The following STXBP5L variants were observed in gnomAD, a reference collection of about 807,000 sequenced individuals.
STXBP5L encodes the protein syntaxin binding protein 5L, also known as syntaxin-binding protein 5-like.
In STXBP5L, 65 loss-of-function variants were observed where a neutral mutation model predicts 144.5. The ratio of observed to expected loss-of-function variants is 0.45; its 90% CI spans 0.37 to 0.55. The LOEUF is 0.55. Ranked by LOEUF, STXBP5L falls within the 20% of genes least tolerant of loss-of-function variation. The pLI is 0.00. For missense variants in STXBP5L, 1,298 were observed against 1,405.5 expected (o/e 0.92, Z 1.22); for synonymous variants, 505 against 469.6 (o/e 1.08, Z -0.97).
chr3:121,084,988 G>A lies in STXBP5L; in HGVS notation c.471-29937G>A, dbSNP rs116632902. ...CAATGATGTTGACTTTTTTTTTCAT[G>A]TGTTTGTCAACCGCATGTATGTCTT... is the stretch of plus-strand genomic sequence containing the variant. On this transcript the variant is annotated intron_variant, in intron 5 of 26. Coordinates refer to ENST00000471454, the MANE Select transcript of STXBP5L (RefSeq NM_001308330.2). Among the ~76,000 whole-genome samples the A allele has an allele frequency of 6.4e-3, 962 of 150,536 alleles. 13 individuals are homozygous for A. Among genetic ancestry groups the A allele is most frequent in the African/African-American group, 0.021 (867 of 40,854 alleles).
intron 20 of STXBP5L, among the ~76,000 whole-genome samples, chr3:121,338,583 C>A (rs1472213923): frequency 3.6e-5 from 3 of 82,476 alleles, no homozygotes; most frequent in East Asian, 4.5e-4. Context: ...GCAGAGGTTG[C>A]ATTTCTGTCA....
chr3:120,912,879 T>C (rs1708917746), intron 2 of STXBP5L, among the ~76,000 whole-genome samples: 1 of 151,960 alleles, frequency 6.6e-6, no homozygotes, highest in African/African-American at 2.4e-5. Flanking sequence ...CTAAGTATAC[T>C]GCATTCCCTA....
chr3:121,092,060 G>A (rs140846907), intron 5 of STXBP5L, among the ~76,000 whole-genome samples: 24 of 152,038 alleles, frequency 1.6e-4, no homozygotes, highest in East Asian at 1.2e-3. Flanking sequence ...TGTTTTTCTC[G>A]GGTTTGTCAA....
At chr3:121,125,197 A>T (rs930315662) in intron 7 of STXBP5L, among the ~76,000 whole-genome samples, 1 of 152,080 alleles carries the variant, frequency 6.6e-6, no homozygotes, top group Non-Finnish European at 1.5e-5. Flanking sequence ...GGTTGGGCGC[A>T]GTGGCTCACA....
intron 9 of STXBP5L, among the ~76,000 whole-genome samples, chr3:121,190,271 G>A (rs1039528497): frequency 2.6e-5 from 4 of 152,154 alleles, no homozygotes; most frequent in Admixed American, 2.0e-4. Context: ...TAGCGAGCAC[G>A]CTGCCTTCAA....
chr3:121,188,227 A>G (rs150858378), intron 9 of STXBP5L, among the ~76,000 whole-genome samples: 1 of 152,302 alleles, frequency 6.6e-6, no homozygotes, highest in East Asian at 1.9e-4. Context: ...AATCAATAGA[A>G]TATACATTCT....
Position 120,996,670 on chromosome 3 carries a change from A to G in STXBP5L, c.287+41633A>G, listed in dbSNP as rs541676934. 6.7e-4 allele frequency among the ~76,000 whole-genome samples: 102 copies of G among 152,172 alleles called. 2 individuals carry two copies. In the South Asian group the frequency reaches 0.021, roughly 31 times the overall value. On this transcript the variant is annotated intron_variant, in intron 3 of 26. Transcript: ENST00000471454. ...ATTTTACCCTGCTCCTATGAATTCA[A>G]CTTTTTTAGATTTCACATATATGTG...
At chr3:121,068,441 A>G (rs1302103029) in intron 5 of STXBP5L, among the ~76,000 whole-genome samples, 3 of 151,894 alleles carry the variant, frequency 2.0e-5, no homozygotes, top group Non-Finnish European at 2.9e-5. Flanking sequence ...TAAACTTTTT[A>G]TTATCCTATT....
At chr3:121,344,169 A>G (rs539498701) in intron 20 of STXBP5L, among the ~76,000 whole-genome samples, 1 of 152,146 alleles carries the variant, frequency 6.6e-6, no homozygotes, top group Admixed American at 6.6e-5. Context: ...TATTTAATAA[A>G]TGGTGCTGGG....
intron 3 of STXBP5L, among the ~76,000 whole-genome samples, chr3:120,979,745 C>T (rs979080355): frequency 3.3e-5 from 5 of 152,116 alleles, no homozygotes; most frequent in Admixed American, 3.3e-4. Flanking sequence ...TTTAGTTCTG[C>T]TCTGATCTTT....
chr3:121,043,510 A>G (rs1216437936), intron 4 of STXBP5L, among the ~76,000 whole-genome samples: 1 of 152,116 alleles, frequency 6.6e-6, no homozygotes, highest in African/African-American at 2.4e-5. Context: ...AGAGATCAAG[A>G]CCATCCTGGC....
intron 2 of STXBP5L, among the ~76,000 whole-genome samples, chr3:120,940,376 C>T (rs1710504336): frequency 6.6e-6 from 1 of 151,868 alleles, no homozygotes; most frequent in Non-Finnish European, 1.5e-5. Context: ...ATAAAAGATA[C>T]TGCGAAATGG....
intron 3 of STXBP5L, among the ~76,000 whole-genome samples, chr3:120,986,312 T>A (rs1190821437): frequency 6.6e-6 from 1 of 151,968 alleles, no homozygotes. Context: ...TAACGTATGA[T>A]CTGTCCTGAA....
Position 121,049,373 on chromosome 3 carries a change from G to A in STXBP5L, c.470+3838G>A, listed in dbSNP as rs114209660. ...CAGTGTGGGGTGGTTGAGGTTCTAG[G>A]TCAGGAGGCCTTGCTCAGTGAGAAG... On this transcript the variant is annotated intron_variant, in intron 5 of 26. Coordinates refer to ENST00000471454, the MANE Select transcript of STXBP5L (RefSeq NM_001308330.2). 7.8e-3 allele frequency among the ~76,000 whole-genome samples: 1,194 copies of A among 152,176 alleles called. 19 individuals are homozygous for A. Among genetic ancestry groups the A allele is most frequent in the African/African-American group, 0.027 (1,115 of 41,490 alleles).
At chr3:121,159,423 G>C (rs1466314388) in intron 9 of STXBP5L, among the ~76,000 whole-genome samples, 2 of 151,604 alleles carry the variant, frequency 1.3e-5, no homozygotes, top group Non-Finnish European at 2.9e-5. Flanking sequence ...CTCCCTCTTT[G>C]GCCTCACAAA....
At chr3:120,960,425 G>T (rs1040443053) in intron 3 of STXBP5L, among the ~76,000 whole-genome samples, 15 of 152,218 alleles carry the variant, frequency 9.9e-5, no homozygotes, top group South Asian at 4.1e-4. Context: ...ACCGAAAGGA[G>T]TATAAATCAT....
chr3:121,014,562 T>C lies in STXBP5L; in HGVS notation c.288-27138T>C, dbSNP rs147783392. 5.9e-5 allele frequency among the ~76,000 whole-genome samples: 9 copies of C among 152,102 alleles called. No homozygotes were observed. The East Asian group carries it at 7.7e-4, about 13-fold the overall frequency. ...CACAGTTTGCTTATTTTTTCACTTG[T>C]TCATGGACTTGTTTTTCTATCTTTT... is the stretch of plus-strand genomic sequence containing the variant. On this transcript the variant is annotated intron_variant, in intron 3 of 26. Transcript: ENST00000471454.
intron 5 of STXBP5L, among the ~76,000 whole-genome samples, chr3:121,113,672 C>CTTTTTTTTTTTTTTTTTTTTTT (rs1231857211): frequency 4.9e-5 from 6 of 122,568 alleles, no homozygotes; most frequent in Admixed American, 9.2e-5. Flanking sequence ...TTTTCTTTTT[C>CTTTTTTTTTTTTTTTTTTTTTT]TTTTTTTTTT....
At chr3:121,203,071 G>GT (rs35703773) in intron 9 of STXBP5L, among the ~76,000 whole-genome samples, 22,813 of 143,124 alleles carry the variant, frequency 0.16, 1,974 homozygotes, top group Middle Eastern at 0.23. Context: ...CTTTTTTTCT[G>GT]TTTTTTTTTT....
Sources: gnomAD v4.1 joint callset for allele counts (sites outside exome capture counted in the v4.1 genomes callset) on GRCh38, gnomAD v4.1.1 for gene constraint, MANE v1.5 for transcripts, NCBI Gene and HGNC (gene_info 2026-07-23, HGNC 2026-07-21) for gene names.